The following DSE variants were observed in gnomAD, a reference collection of about 807,000 sequenced individuals.
The protein encoded by DSE is dermatan-sulfate epimerase.
DSE carries 36 observed loss-of-function variants against 84.4 expected under a neutral mutation model. That is an observed-to-expected ratio of 0.43 (90% CI 0.33 to 0.56). DSE has a LOEUF of 0.56. DSE is among the 20% of genes least tolerant of loss of function. The probability of loss-of-function intolerance (pLI) is 0.06; values close to 1 mark genes in which losing one functional copy is unlikely to be tolerated. For missense variants in DSE, 862 were observed against 1,169.6 expected, an observed-to-expected ratio of 0.74 and a Z score of 3.84; for synonymous variants, 410 against 430.1, an observed-to-expected ratio of 0.95 and a Z score of 0.58.
At chr6:116,282,823 CT>C (rs1455663607) in intron 2 of DSE, among the ~76,000 whole-genome samples, 2 of 151,994 alleles carry the variant, frequency 1.3e-5, no homozygotes, top group African/African-American at 4.8e-5. Context: ...AATATGCATA[CT>C]TTATGTCCTA....
chr6:116,414,732 G>A (rs1174604223), intron 2 of DSE, among the ~76,000 whole-genome samples: 1 of 152,128 alleles, frequency 6.6e-6, no homozygotes, highest in Non-Finnish European at 1.5e-5. Context: ...TTTTAACAAG[G>A]CAAAAGTTAT....
chr6:116,390,401 T>C (rs1371062460), intron 1 of DSE, among the ~76,000 whole-genome samples: 3 of 152,138 alleles, frequency 2.0e-5, no homozygotes, highest in African/African-American at 7.2e-5. Context: ...TTTCAATACA[T>C]AGTAGAATTT....
Position 116,443,196 on chromosome 6 carries a change from A to C in DSE, c.*5851A>C, listed in dbSNP as rs1054747076. 1 of 152,254 alleles carries C rather than the reference A, an allele frequency of 6.6e-6. No individual in the cohort carries two copies. The highest frequency in any genetic ancestry group is 2.4e-5 in the African/African-American group (1 of 41,456). 9.4% of individuals were successfully genotyped at this position (152,254 alleles called of 1,614,324 possible). A position where few individuals can be genotyped will look rare whatever the true frequency, so the allele number is the denominator to read the frequency against. On this transcript the variant is annotated 3_prime_UTR_variant, in exon 6 of 6. Coordinates refer to ENST00000644252, the MANE Select transcript of DSE (RefSeq NM_013352.4). Reference sequence around the variant, plus strand: ...AGAGGGAATGTTTAACTCCTAGCCCACAGGCAAAATGTGTGGCCAAAGGAA... The same window carrying C: ...AGAGGGAATGTTTAACTCCTAGCCCCCAGGCAAAATGTGTGGCCAAAGGAA...
intron 2 of DSE, among the ~76,000 whole-genome samples, chr6:116,340,356 C>G (rs1777514394): frequency 6.6e-6 from 1 of 152,070 alleles, no homozygotes; most frequent in South Asian, 2.1e-4. Flanking sequence ...TTTCTTCTGC[C>G]ATTTTGAATA....
At chr6:116,297,195 G>A (rs1774723370) in intron 2 of DSE, among the ~76,000 whole-genome samples, 1 of 152,040 alleles carries the variant, frequency 6.6e-6, no homozygotes, top group Non-Finnish European at 1.5e-5. Context: ...GATACCCTAG[G>A]AGCCATCCTT....
In DSE at chr6:116,254,622, A is replaced by G. The variant is rs2232464; in HGVS notation, c.-576+327A>G. Among the ~76,000 whole-genome samples the G allele has an allele frequency of 5.4e-3, 817 of 152,338 alleles. 8 individuals carry two copies. The highest frequency in any genetic ancestry group is 0.019 in the African/African-American group (787 of 41,562). ...CAAGACATAATAAAGGAATATTTCA[A>G]TTTGTCTTACAGATTTTAAAGTTTA... On this transcript the variant is annotated intron_variant, in intron 1 of 3. Coordinates refer to the DSE transcript ENST00000430252.
chr6:116,351,880 A>T (rs1778330678), intron 2 of DSE, among the ~76,000 whole-genome samples: 1 of 152,192 alleles, frequency 6.6e-6, no homozygotes, highest in African/African-American at 2.4e-5. Context: ...GCCTTAAGGA[A>T]TATTTATCCC....
intron 2 of DSE, among the ~76,000 whole-genome samples, chr6:116,326,269 G>A (rs796780111): frequency 8.5e-5 from 13 of 152,114 alleles, no homozygotes; most frequent in African/African-American, 3.1e-4. Context: ...GGAGGACGGC[G>A]GGAGTCCTAA....
At chr6:116,265,606 T>C (rs1772588777) in intron 2 of DSE, among the ~76,000 whole-genome samples, 1 of 151,984 alleles carries the variant, frequency 6.6e-6, no homozygotes, top group Non-Finnish European at 1.5e-5. Flanking sequence ...AGCTCCCTGC[T>C]GGTTAAGCAT....
At chr6:116,375,027 C>G (rs1779835502) in intron 1 of DSE, among the ~76,000 whole-genome samples, 1 of 152,150 alleles carries the variant, frequency 6.6e-6, no homozygotes, top group South Asian at 2.1e-4. Context: ...CTGGGAGCAC[C>G]AAATTACCAG....
intron 2 of DSE, among the ~76,000 whole-genome samples, chr6:116,349,768 T>C (rs1038944191): frequency 6.6e-6 from 1 of 152,172 alleles, no homozygotes; most frequent in Non-Finnish European, 1.5e-5. Context: ...GATATGTGAG[T>C]AGCTTCAGGC....
intron 2 of DSE, among the ~76,000 whole-genome samples, chr6:116,408,464 A>G (rs1782080213): frequency 6.6e-6 from 1 of 152,242 alleles, no homozygotes; most frequent in African/African-American, 2.4e-5. Context: ...TGGATGAATG[A>G]ATGAATAATC....
At chr6:116,302,937 A>G (rs1406365147) in intron 2 of DSE, among the ~76,000 whole-genome samples, 3 of 152,206 alleles carry the variant, frequency 2.0e-5, no homozygotes, top group African/African-American at 7.2e-5. Flanking sequence ...GGTTTGTCAA[A>G]GATCAGATGA....
intron 2 of DSE, among the ~76,000 whole-genome samples, chr6:116,352,865 C>T (rs1778382410): frequency 6.6e-6 from 1 of 152,158 alleles, no homozygotes; most frequent in Non-Finnish European, 1.5e-5. Flanking sequence ...ACGTACATGC[C>T]CCACACGTGA....
At chr6:116,432,133 A>G (rs879268150) in intron 4 of DSE, among the ~76,000 whole-genome samples, 4 of 152,226 alleles carry the variant, frequency 2.6e-5, no homozygotes, top group Non-Finnish European at 4.4e-5. Flanking sequence ...TTAGACATGC[A>G]GGAGAGGCCT....
rs140184644 is a variant in DSE, at chr6:116,416,510, C to T, written c.417-10064C>T. Among the ~76,000 whole-genome samples, 13 of 151,624 alleles carry T rather than the reference C, an allele frequency of 8.6e-5. No individual in the cohort carries two copies. The East Asian group carries it at 9.7e-4, about 11-fold the overall frequency. On this transcript the variant is annotated intron_variant, in intron 2 of 5. Coordinates refer to ENST00000644252, the MANE Select transcript of DSE (RefSeq NM_013352.4). ...TCTTCATTATAGACTTCTTGTCCTC[C>T]GGAGTCATGTTATATTTAAAATAGA...
At chr6:116,328,310 A>G (rs761078042) in intron 2 of DSE, among the ~76,000 whole-genome samples, 1 of 152,232 alleles carries the variant, frequency 6.6e-6, no homozygotes, top group Non-Finnish European at 1.5e-5. Context: ...GGGTGTTGGA[A>G]TTTAAAACTA....
At chr6:116,307,127 A>G (rs1775394829) in intron 2 of DSE, among the ~76,000 whole-genome samples, 1 of 152,192 alleles carries the variant, frequency 6.6e-6, no homozygotes, top group Non-Finnish European at 1.5e-5. Context: ...CAGGCATGTG[A>G]GTCCTGAGGA....
rs1289808070 is a variant in DSE, at chr6:116,439,730, G to A, written c.*2385G>A. ...TTCAAGTTCATTTGATAATATGTGA[G>A]CTGTTGTTCAGGGGATTGGCAGGAC... On this transcript the variant is annotated 3_prime_UTR_variant, in exon 6 of 6. Coordinates refer to ENST00000644252, the MANE Select transcript of DSE (RefSeq NM_013352.4). 6.6e-6 allele frequency: 1 copy of A among 152,184 alleles called. No individual in the cohort carries two copies. The highest frequency in any genetic ancestry group is 1.5e-5 in the Non-Finnish European group (1 of 68,026). 9.4% of individuals were successfully genotyped at this position (152,184 alleles called of 1,614,324 possible). A position where few individuals can be genotyped will look rare whatever the true frequency, so the allele number is the denominator to read the frequency against.
Sources: gnomAD v4.1 joint callset for allele counts (sites outside exome capture counted in the v4.1 genomes callset) on GRCh38, gnomAD v4.1.1 for gene constraint, MANE v1.5 for transcripts, NCBI Gene and HGNC (gene_info 2026-07-23, HGNC 2026-07-21) for gene names.